The following NCAM1 variants were observed in gnomAD, a reference collection of about 807,000 sequenced individuals.
The protein encoded by NCAM1 is neural cell adhesion molecule 1.
NCAM1 carries 14 observed loss-of-function variants against 109.8 expected under a neutral mutation model. The observed-to-expected ratio is 0.13, with a 90% CI of 0.08 to 0.20. NCAM1 has a LOEUF of 0.20. NCAM1 is among the 10% of genes least tolerant of loss of function. NCAM1 has a pLI of 1.00. For synonymous variants in NCAM1, 418 were observed against 442.9 expected (o/e 0.94, Z 0.70); for missense variants, 774 against 1,109.9 (o/e 0.70, Z 4.30).
chr11:113,167,305 C>G (rs1467276463), intron 1 of NCAM1, among the ~76,000 whole-genome samples: 3 of 152,048 alleles, frequency 2.0e-5, no homozygotes, highest in Non-Finnish European at 4.4e-5. Context: ...GAAAAAATAC[C>G]ATTGTTTCTA....
At chr11:113,106,108 GA>G (rs1334895843) in intron 1 of NCAM1, among the ~76,000 whole-genome samples, 1 of 151,286 alleles carries the variant, frequency 6.6e-6, no homozygotes, top group Non-Finnish European at 1.5e-5. Context: ...AATATTATCT[GA>G]AAAAAAACAA....
Position 113,207,969 on chromosome 11 carries a change from G to C in NCAM1, c.883G>C (p.Glu295Gln). 6.2e-7 allele frequency: 1 copy of C among 1,611,420 alleles called. No individual in the cohort carries two copies. The highest frequency in any genetic ancestry group is 1.3e-5 in the African/African-American group (1 of 75,000). Residue 295 changes from glutamate (E) to glutamine (Q), a missense_variant, in exon 7 of 20, where the codon GAG becomes CAG. Coordinates refer to ENST00000316851, the MANE Select transcript of NCAM1 (RefSeq NM_181351.5). ...CTGCATTGCTGAGAACAAGGCTGGCGAGCAGGATGCGACCATCCACCTCAA... is the reference window on the plus strand; with the variant it reads ...CTGCATTGCTGAGAACAAGGCTGGCCAGCAGGATGCGACCATCCACCTCAA... The part of the protein sequence containing the change: ...YICIAENKAG[E>Q]QDATIHLKVF...
chr11:113,145,190 C>A (rs1185958843), intron 1 of NCAM1, among the ~76,000 whole-genome samples: 3 of 152,166 alleles, frequency 2.0e-5, no homozygotes, highest in Non-Finnish European at 1.5e-5. Context: ...TAGCAGCTGC[C>A]TTATCTTCAA....
At chr11:113,246,835 A>C (rs1431811650) in intron 15 of NCAM1, among the ~76,000 whole-genome samples, 1 of 152,248 alleles carries the variant, frequency 6.6e-6, no homozygotes, top group African/African-American at 2.4e-5. Context: ...TCAATTGCAA[A>C]GGTTGTATTT....
intron 1 of NCAM1, among the ~76,000 whole-genome samples, chr11:113,160,357 C>G (rs1192143906): frequency 6.6e-6 from 1 of 152,144 alleles, no homozygotes; most frequent in Non-Finnish European, 1.5e-5. Flanking sequence ...ACCAACTGCC[C>G]CAGTTTCCAT....
In NCAM1 at chr11:113,270,018, T is replaced by C. The variant is rs1946230738; in HGVS notation, c.2132-170T>C. The C allele has an allele frequency of 1.7e-5, 11 of 649,868 alleles. No individual in the cohort carries two copies. The South Asian group carries it at 2.0e-4, about 12-fold the overall frequency. The allele number at this position is 649,868 out of a possible 1,614,324, so 40.3% of individuals were successfully genotyped here. On this transcript the variant is annotated intron_variant, in intron 17 of 19. Coordinates refer to ENST00000316851, the MANE Select transcript of NCAM1 (RefSeq NM_181351.5). ...CCCTCTGGAAGGTATAGAAAGACCC[T>C]GTTTTCTCAATTCTGGGGCATAGAA... is the stretch of plus-strand genomic sequence containing the variant.
intron 1 of NCAM1, among the ~76,000 whole-genome samples, chr11:113,172,549 A>G (rs1300982600): frequency 1.3e-5 from 2 of 152,136 alleles, no homozygotes; most frequent in Non-Finnish European, 2.9e-5. Context: ...TTTGCCTTAT[A>G]TTGTTCATTC....
At chr11:113,065,955 A>T (rs1396082224) in intron 1 of NCAM1, among the ~76,000 whole-genome samples, 1 of 152,242 alleles carries the variant, frequency 6.6e-6, no homozygotes, top group African/African-American at 2.4e-5. Flanking sequence ...TTTTAAAACA[A>T]TCTAAAACTG....
At chr11:113,218,514 A>C (rs140489502) in intron 8 of NCAM1, among the ~76,000 whole-genome samples, 29 of 152,344 alleles carry the variant, frequency 1.9e-4, no homozygotes, top group Non-Finnish European at 3.8e-4. Flanking sequence ...TCAACCATAG[A>C]CATATAGTTA....
intron 1 of NCAM1, among the ~76,000 whole-genome samples, chr11:113,063,504 C>G (rs1937780600): frequency 6.6e-6 from 1 of 152,342 alleles, no homozygotes; most frequent in Non-Finnish European, 1.5e-5. Context: ...GACCACTTAG[C>G]ATCCAGTGTT....
Position 113,262,705 on chromosome 11 carries a change from T to C in NCAM1, c.2131+2382T>C, listed in dbSNP as rs1250507654. On this transcript the variant is annotated intron_variant, in intron 17 of 19. Coordinates refer to ENST00000316851, the MANE Select transcript of NCAM1 (RefSeq NM_181351.5). Reference sequence around the variant, plus strand: ...TTTTTTCTCTGTTTCTGTCTCTACCTTCCCTTTCCTTCTGTCCCCCTCCCC... The same window carrying C: ...TTTTTTCTCTGTTTCTGTCTCTACCCTCCCTTTCCTTCTGTCCCCCTCCCC... 3.3e-6 allele frequency: 3 copies of C among 905,560 alleles called. No individual in the cohort carries two copies. In the African/African-American group the frequency reaches 5.0e-5, roughly 15 times the overall value. 56.1% of individuals were successfully genotyped at this position (905,560 alleles called of 1,614,324 possible). A position where few individuals can be genotyped will look rare whatever the true frequency, so the allele number is the denominator to read the frequency against.
At chr11:113,078,421 T>TG (rs1565422727) in intron 1 of NCAM1, among the ~76,000 whole-genome samples, 1 of 151,862 alleles carries the variant, frequency 6.6e-6, no homozygotes, top group Non-Finnish European at 1.5e-5. Flanking sequence ...TCACCGGCAC[T>TG]GGGGGTTAGA....
chr11:113,123,971 G>A (rs782402314), intron 1 of NCAM1, among the ~76,000 whole-genome samples: 1 of 152,134 alleles, frequency 6.6e-6, no homozygotes, highest in Non-Finnish European at 1.5e-5. Context: ...GGTGGTTGGG[G>A]GACTCAGGGC....
intron 1 of NCAM1, among the ~76,000 whole-genome samples, chr11:113,081,989 C>T (rs1404604267): frequency 1.3e-5 from 2 of 152,184 alleles, no homozygotes; most frequent in African/African-American, 2.4e-5. Context: ...ATTCTCTTTA[C>T]ACTATATGCA....
At chr11:113,161,400 C>T (rs1240542459) in intron 1 of NCAM1, among the ~76,000 whole-genome samples, 3 of 152,094 alleles carry the variant, frequency 2.0e-5, no homozygotes, top group African/African-American at 7.2e-5. Flanking sequence ...TTGCCAAACC[C>T]TGTGCCCCCG....
intron 1 of NCAM1, among the ~76,000 whole-genome samples, chr11:113,046,802 AAGAGAG>A (rs145834880): frequency 6.7e-6 from 1 of 149,448 alleles, no homozygotes; most frequent in Non-Finnish European, 1.5e-5. Flanking sequence ...GAAGAAAGAA[AAGAGAG>A]AGAGAGAGAA....
intron 1 of NCAM1, among the ~76,000 whole-genome samples, chr11:113,050,137 G>C (rs1669543328): frequency 7.2e-6 from 1 of 139,380 alleles, no homozygotes; most frequent in African/African-American, 2.6e-5. Context: ...CAGAAACAGA[G>C]GGTGGGGGGG....
chr11:112,994,254 G>C (rs782213492), intron 1 of NCAM1, among the ~76,000 whole-genome samples: 5 of 152,180 alleles, frequency 3.3e-5, no homozygotes, highest in Admixed American at 6.5e-5. Flanking sequence ...AACAAGGTGT[G>C]ACTTCTAGAC....
intron 1 of NCAM1, among the ~76,000 whole-genome samples, chr11:113,177,950 G>C (rs1385404429): frequency 6.6e-6 from 1 of 152,130 alleles, no homozygotes; most frequent in Non-Finnish European, 1.5e-5. Flanking sequence ...CAGTGAAAGA[G>C]GGATTCACTA....
Sources: gnomAD v4.1 joint callset for allele counts (sites outside exome capture counted in the v4.1 genomes callset) on GRCh38, gnomAD v4.1.1 for gene constraint, MANE v1.5 for transcripts, NCBI Gene and HGNC (gene_info 2026-07-23, HGNC 2026-07-21) for gene names.